Variants in NLGN1 observed in about 807,000 individuals in gnomAD.
NLGN1 encodes the protein neuroligin 1.
A neutral mutation model predicts 65.5 loss-of-function variants in NLGN1; 12 were observed. That is an observed-to-expected ratio of 0.18 (90% CI 0.12 to 0.30). NLGN1 has a LOEUF of 0.30. NLGN1 is among the 10% of genes least tolerant of loss of function. NLGN1 has a pLI of 1.00. For missense variants in NLGN1, 750 were observed against 1,007.1 expected (o/e 0.74, Z 3.46); for synonymous variants, 350 against 359.5 (o/e 0.97, Z 0.30).
chr3:173,950,173 A>G (rs1485678011), intron 4 of NLGN1, among the ~76,000 whole-genome samples: 6 of 152,182 alleles, frequency 3.9e-5, no homozygotes, highest in Non-Finnish European at 7.4e-5. Context: ...ACTTTAAACT[A>G]TTGAACAAAT....
At chr3:173,474,114 T>A (rs980336854) in intron 2 of NLGN1, among the ~76,000 whole-genome samples, 20 of 152,114 alleles carry the variant, frequency 1.3e-4, no homozygotes, top group Non-Finnish European at 2.6e-4. Flanking sequence ...CTCACCCTCT[T>A]CAACCTCAGC....
chr3:173,672,948 G>A (rs1762645976), intron 3 of NLGN1, among the ~76,000 whole-genome samples: 1 of 152,098 alleles, frequency 6.6e-6, no homozygotes, highest in African/African-American at 2.4e-5. Flanking sequence ...TTTAAGCCTT[G>A]TCAATAAACA....
At chr3:173,442,726 A>G (rs923034189) in intron 2 of NLGN1, among the ~76,000 whole-genome samples, 2 of 152,148 alleles carry the variant, frequency 1.3e-5, no homozygotes, top group South Asian at 2.1e-4. Flanking sequence ...GGTCTGCAGG[A>G]TTTGATAATA....
intron 2 of NLGN1, among the ~76,000 whole-genome samples, chr3:173,512,947 T>G (rs776762657): frequency 2.0e-5 from 3 of 152,162 alleles, no homozygotes; most frequent in Admixed American, 6.5e-5. Context: ...GAGGAAAATG[T>G]TTCAGTCTTA....
chr3:174,090,150 A>C (rs1744223513), intron 4 of NLGN1, among the ~76,000 whole-genome samples: 1 of 152,176 alleles, frequency 6.6e-6, no homozygotes, highest in Admixed American at 6.6e-5. Context: ...ATTTTGTGTT[A>C]GAATTTTAAA....
At chr3:174,227,111 G>C (rs1286002778) in intron 4 of NLGN1, among the ~76,000 whole-genome samples, 1 of 152,178 alleles carries the variant, frequency 6.6e-6, no homozygotes, top group Non-Finnish European at 1.5e-5. Context: ...TGCATGAATT[G>C]ATAAATGGAG....
At chr3:173,910,343 A>C (rs896158285) in intron 4 of NLGN1, among the ~76,000 whole-genome samples, 1 of 152,192 alleles carries the variant, frequency 6.6e-6, no homozygotes, top group Non-Finnish European at 1.5e-5. Flanking sequence ...AAGTAAGCTT[A>C]ACCTTGAAGG....
At chr3:174,258,486 T>G (rs571146670) in intron 4 of NLGN1, among the ~76,000 whole-genome samples, 54 of 152,156 alleles carry the variant, frequency 3.5e-4, no homozygotes, top group Non-Finnish European at 7.6e-4. Flanking sequence ...ATCTATATAC[T>G]TTATACTTAC....
At chr3:173,536,054 A>G (rs1396485923) in intron 2 of NLGN1, among the ~76,000 whole-genome samples, 1 of 152,166 alleles carries the variant, frequency 6.6e-6, no homozygotes, top group Non-Finnish European at 1.5e-5. Context: ...GTATAAACCA[A>G]GTTGCCTCTT....
intron 3 of NLGN1, among the ~76,000 whole-genome samples, chr3:173,803,716 T>C (rs1012869671): frequency 6.6e-6 from 1 of 152,146 alleles, no homozygotes; most frequent in Non-Finnish European, 1.5e-5. Context: ...TTATGTCCAG[T>C]TTAACAAGCA....
At chr3:173,711,957 G>A (rs1769064192) in intron 3 of NLGN1, among the ~76,000 whole-genome samples, 1 of 152,128 alleles carries the variant, frequency 6.6e-6, no homozygotes, top group African/African-American at 2.4e-5. Flanking sequence ...GTCACAATGA[G>A]CAATAGGAAA....
intron 4 of NLGN1, among the ~76,000 whole-genome samples, chr3:174,190,594 CTT>C (rs1298787518): frequency 6.6e-6 from 1 of 151,846 alleles, no homozygotes; most frequent in Non-Finnish European, 1.5e-5. Context: ...AAATATTAGA[CTT>C]ATTGATATAA....
At chr3:173,840,535 C>G (rs1413709148) in intron 4 of NLGN1, among the ~76,000 whole-genome samples, 2 of 152,244 alleles carry the variant, frequency 1.3e-5, no homozygotes, top group Admixed American at 1.3e-4. Context: ...GTAATTTTAA[C>G]AAGGATGCTA....
At chr3:173,741,155 T>A (rs976455898) in intron 3 of NLGN1, among the ~76,000 whole-genome samples, 18 of 152,126 alleles carry the variant, frequency 1.2e-4, no homozygotes, top group Non-Finnish European at 1.9e-4. Flanking sequence ...ACATCTTAAA[T>A]ATTGTTAGAA....
chr3:173,794,929 TTC>T (rs778225316), intron 3 of NLGN1, among the ~76,000 whole-genome samples: 25 of 152,126 alleles, frequency 1.6e-4, no homozygotes, highest in Non-Finnish European at 2.6e-4. Context: ...CAGAGAAAAA[TTC>T]TCTTTTCCCC....
chr3:173,466,028 C>T (rs1222062230), intron 2 of NLGN1, among the ~76,000 whole-genome samples: 1 of 152,086 alleles, frequency 6.6e-6, no homozygotes, highest in African/African-American at 2.4e-5. Flanking sequence ...CAATTATAAA[C>T]AAAGATAAAT....
chr3:173,931,398 G>T (rs532214842), intron 4 of NLGN1, among the ~76,000 whole-genome samples: 42 of 152,270 alleles, frequency 2.8e-4, no homozygotes, highest in South Asian at 4.1e-4. Context: ...GGTGGAGGGG[G>T]CTTGGGTCCC....
chr3:174,017,593 G>A (rs1351482789), intron 4 of NLGN1, among the ~76,000 whole-genome samples: 1 of 152,230 alleles, frequency 6.6e-6, no homozygotes, highest in South Asian at 2.1e-4. Flanking sequence ...GGCAGTCTGA[G>A]AAATAAAGGG....
chr3:173,532,719 C>T (rs1276021563), intron 2 of NLGN1, among the ~76,000 whole-genome samples: 1 of 152,178 alleles, frequency 6.6e-6, no homozygotes, highest in Non-Finnish European at 1.5e-5. Flanking sequence ...TTTAAAATTA[C>T]ATATGTGGCT....
Sources: allele counts gnomAD v4.1 joint callset (sites outside exome capture counted in the v4.1 genomes callset), GRCh38; gene constraint gnomAD v4.1.1; transcripts MANE v1.5; gene names NCBI Gene and HGNC (gene_info 2026-07-23, HGNC 2026-07-21).